FREM1: variants seen among roughly 807,000 people sequenced by gnomAD.
The protein encoded by FREM1 is FRAS1-related extracellular matrix protein 1.
Under a neutral mutation model 210.1 loss-of-function variants are expected in FREM1, and 220 were observed. The ratio of observed to expected loss-of-function variants is 1.05; its 90% CI spans 0.94 to 1.17. The LOEUF is 1.17. Among genes scored for constraint, FREM1 ranks in the 50% most tolerant of loss-of-function variants. The pLI, the probability that FREM1 is intolerant of heterozygous loss-of-function variation, is 0.00. For synonymous variants in FREM1, 1,189 were observed against 980.2 expected (o/e 1.21, Z -3.98); for missense variants, 3,454 against 2,675.5 (o/e 1.29, Z -6.42).
chr9:14,812,855 A>G lies in FREM1; in HGVS notation c.2850T>C (p.Ser950=), dbSNP rs759703108. 1.9e-6 allele frequency: 3 copies of G among 1,613,750 alleles called. No homozygotes were observed. The South Asian group carries it at 3.3e-5, about 18-fold the overall frequency. Residue 950 remains serine, a synonymous_variant, in exon 16 of 37, where the codon TCT becomes TCC. Transcript: ENST00000380880. ...CGGCCTCTGAGATAACATCTCTCTG[A>G]GAGAACTGATCCACTGTGACTCCAG... ...RRAGVTVDQF[S]QRDVISEAVT...
chr9:14,807,712 T>C (rs2133438489), intron 17 of FREM1, among the ~76,000 whole-genome samples: 1 of 151,938 alleles, frequency 6.6e-6, no homozygotes, highest in East Asian at 1.9e-4. Context: ...AACACACGTA[T>C]TCTCTCTCCA....
intron 2 of FREM1, 22 bp downstream of exon 2, chr9:14,868,722 G>C: frequency 6.7e-7 from 1 of 1,487,714 alleles, no homozygotes; most frequent in Non-Finnish European, 9.3e-7. Context: ...CGACTGAACA[G>C]AAAATCGCAG....
chr9:14,775,010 A>G (rs1848307904), intron 25 of FREM1, among the ~76,000 whole-genome samples: 1 of 152,220 alleles, frequency 6.6e-6, no homozygotes, highest in Non-Finnish European at 1.5e-5. Flanking sequence ...TGCTGCTATT[A>G]TTACCCTCAT....
intron 1 of FREM1, among the ~76,000 whole-genome samples, chr9:14,891,063 C>G (rs1029839127): frequency 1.5e-4 from 23 of 152,200 alleles, no homozygotes; most frequent in African/African-American, 5.5e-4. Flanking sequence ...AAAACTCACA[C>G]CTAGGGCCTT....
rs1249005692 is a variant in FREM1 at position 14,860,876 on chromosome 9, T to TC, written c.330-1393_330-1392insG. ...ACGTATATATACACATATATATACG[T>TC]ATATATACACATATATACATATATA... On this transcript the variant is annotated intron_variant, in intron 3 of 36. Coordinates refer to ENST00000380880, the MANE Select transcript of FREM1 (RefSeq NM_001379081.2). 8.7e-4 allele frequency among the ~76,000 whole-genome samples: 41 copies of TC among 47,358 alleles called. 1 individual carries two copies. Among genetic ancestry groups the TC allele is most frequent in the East Asian group, 2.2e-3 (3 of 1,350 alleles). The allele number at this position is 47,358 out of a possible 152,430, so 31.1% of individuals were successfully genotyped here.
At chr9:14,800,901 T>C (rs1228570989) in intron 20 of FREM1, among the ~76,000 whole-genome samples, 2 of 152,322 alleles carry the variant, frequency 1.3e-5, no homozygotes, top group Middle Eastern at 3.4e-3. Flanking sequence ...AATTTTTATT[T>C]TTTAATTGGC....
chr9:14,891,112 T>C (rs909879796), intron 1 of FREM1, among the ~76,000 whole-genome samples: 2 of 152,238 alleles, frequency 1.3e-5, no homozygotes, highest in Non-Finnish European at 2.9e-5. Flanking sequence ...AATTTTCCTC[T>C]TCTTGAGTGA....
chr9:14,754,428 G>A (rs1767779853), intron 29 of FREM1, among the ~76,000 whole-genome samples: 1 of 152,302 alleles, frequency 6.6e-6, no homozygotes, highest in Non-Finnish European at 1.5e-5. Context: ...TCACAGGAAG[G>A]AGGCCAAAAA....
In FREM1 at chr9:14,792,796, T is replaced by C; in HGVS notation, c.3928A>G (p.Lys1310Glu). The change falls in exon 22 of 37, where the codon AAG becomes GAG. Residue 1310 changes from lysine (K) to glutamate (E), a missense_variant. Lys to Glu is a moderately conservative substitution (Grantham distance 56). Transcript: ENST00000380880. Reference sequence around the variant, plus strand: ...AGCCTTTCAAATACATAGTAAATCTTCTCCCTGGGTGAGTCTTCATCTATG... The same window carrying C: ...AGCCTTTCAAATACATAGTAAATCTCCTCCCTGGGTGAGTCTTCATCTATG... The part of the protein sequence containing the change: ...SAIDEDSPRE[K>E]IYYVFERLPQ... 6.2e-7 allele frequency: 1 copy of C among 1,607,352 alleles called. No homozygotes were observed. The highest frequency in any genetic ancestry group is 8.5e-7 in the Non-Finnish European group (1 of 1,176,384).
chr9:14,767,805 C>G (rs1421379080), intron 27 of FREM1, among the ~76,000 whole-genome samples: 2 of 152,076 alleles, frequency 1.3e-5, no homozygotes, highest in African/African-American at 4.8e-5. Flanking sequence ...AGAAAATAGC[C>G]TAATATATGT....
rs138442930 is a variant in FREM1 at position 14,829,894 on chromosome 9, G to A, written c.1882-4902C>T. Among the ~76,000 whole-genome samples, 1,169 of 152,192 alleles carry A rather than the reference G, an allele frequency of 7.7e-3. 8 individuals carry two copies. The highest frequency in any genetic ancestry group is 0.031 in the Middle Eastern group (9 of 294). ...AGAGTAATATTAGAAGAAAAAGGGAGAATAAAAATAAGGATAGATGAGAGA... is the reference window on the plus strand; with the variant it reads ...AGAGTAATATTAGAAGAAAAAGGGAAAATAAAAATAAGGATAGATGAGAGA... On this transcript the variant is annotated intron_variant, in intron 10 of 36. Coordinates refer to ENST00000380880, the MANE Select transcript of FREM1 (RefSeq NM_001379081.2).
In FREM1 at chr9:14,770,002, A is replaced by G; in HGVS notation, c.5060-134T>C. On this transcript the variant is annotated intron_variant, in intron 26 of 36. Transcript: ENST00000380880. The stretch of plus-strand genomic sequence containing the variant: ...AAAGTACATTTTAAAACAAGAAATT[A>G]ACATTACTGTAACTATCTTAAAACT... 3 of 524,210 alleles carry G rather than the reference A, an allele frequency of 5.7e-6. No individual in the cohort carries two copies. In the South Asian group the frequency reaches 9.4e-5, roughly 16 times the overall value. The allele number at this position is 524,210 out of a possible 1,614,324, so 32.5% of individuals were successfully genotyped here.
Position 14,769,856 on chromosome 9 carries a change from T to A in FREM1, c.5072A>T (p.His1691Leu). Residue 1691 changes from histidine to leucine, a missense_variant, in exon 27 of 37, where the codon CAT becomes CTT. By Grantham distance (99) the His-to-Leu change is moderately conservative. Transcript: ENST00000380880. ...TAAGTCCTTTTGGCTAAATTTCTCA[T>A]GGATAAATTCACCTAAAAAAAGAAA... ...LENTTTGEFI[H>L]EKFSQKDLNS... 1 of 1,518,478 alleles carries A rather than the reference T, an allele frequency of 6.6e-7. No homozygotes were observed. The allele number at this position is 1,518,478 out of a possible 1,614,324, so 94.1% of individuals were successfully genotyped here. A position where few individuals can be genotyped will look rare whatever the true frequency, so the allele number is the denominator to read the frequency against.
intron 19 of FREM1, among the ~76,000 whole-genome samples, chr9:14,804,120 A>G (rs940998058): frequency 3.3e-5 from 5 of 152,228 alleles, no homozygotes; most frequent in Non-Finnish European, 4.4e-5. Flanking sequence ...TTCTTGCAGC[A>G]TAACTTGATG....
In FREM1 at chr9:14,770,743, G is replaced by A. The variant is rs774648748; in HGVS notation, c.4921C>T (p.Leu1641Phe). The change falls in exon 26 of 37, where the codon CTC (leucine) becomes TTC (phenylalanine). Residue 1641 changes from leucine to phenylalanine, a missense_variant. Transcript: ENST00000380880. ...TLLHSPSQVG[L>F]LKNGCYGIYI... ...ATCCCGTAGCAGCCATTTTTCAGGA[G>A]CCCCACTTGAGAAGGGGAATGCAAG... 1.2e-6 allele frequency: 2 copies of A among 1,613,330 alleles called. No homozygotes were observed. The highest frequency in any genetic ancestry group is 1.7e-6 in the Non-Finnish European group (2 of 1,179,594).
chr9:14,739,585 A>G (rs1242695889), intron 36 of FREM1, among the ~76,000 whole-genome samples: 6 of 148,292 alleles, frequency 4.0e-5, no homozygotes, highest in African/African-American at 9.8e-5. Flanking sequence ...ATTTATACAT[A>G]CACCACATGC....
At chr9:14,752,096 G>C (rs374638689) in intron 29 of FREM1, among the ~76,000 whole-genome samples, 103 of 151,598 alleles carry the variant, frequency 6.8e-4, no homozygotes, top group African/African-American at 2.5e-3. Context: ...GCTTATCTTT[G>C]CATTAGATGC....
intron 27 of FREM1, among the ~76,000 whole-genome samples, chr9:14,761,996 G>C (rs1237636597): frequency 1.3e-5 from 2 of 152,166 alleles, no homozygotes; most frequent in Non-Finnish European, 2.9e-5. Flanking sequence ...TGCAGTACAG[G>C]AAAAAGCACA....
At chr9:14,861,150 TATATAC>T (rs1830320520) in intron 3 of FREM1, among the ~76,000 whole-genome samples, 1 of 108,986 alleles carries the variant, frequency 9.2e-6, no homozygotes, top group African/African-American at 4.1e-5. Flanking sequence ...TATATACACA[TATATAC>T]GTATATACAC....
Sources: gnomAD v4.1 joint callset for allele counts (sites outside exome capture counted in the v4.1 genomes callset) on GRCh38, gnomAD v4.1.1 for gene constraint, MANE v1.5 for transcripts, NCBI Gene and HGNC (gene_info 2026-07-23, HGNC 2026-07-21) for gene names.